Variants in OCA2 observed in about 807,000 individuals in gnomAD.
OCA2 encodes the protein OCA2 melanosomal transmembrane protein.
Under a neutral mutation model 100.2 loss-of-function variants are expected in OCA2, and 77 were observed. The ratio of observed to expected loss-of-function variants is 0.77; its 90% confidence interval spans 0.64 to 0.93. OCA2 has a LOEUF of 0.93. Ranked by LOEUF, OCA2 falls within the 40% of genes least tolerant of loss-of-function variation. OCA2 has a pLI of 0.00. For synonymous variants in OCA2, 432 were observed against 439.2 expected (o/e 0.98, Z 0.21); for missense variants, 1,062 against 1,089.1 (o/e 0.98, Z 0.35).
At chr15:27,858,704 G>C (rs910688812) in intron 21 of OCA2, among the ~76,000 whole-genome samples, 2 of 151,990 alleles carry the variant, frequency 1.3e-5, no homozygotes, top group African/African-American at 4.8e-5. Context: ...GGAAATATAT[G>C]AAACAAAAAT....
intron 14 of OCA2, among the ~76,000 whole-genome samples, chr15:27,978,979 G>A (rs560042791): frequency 4.8e-4 from 73 of 152,238 alleles, no homozygotes; most frequent in East Asian, 1.2e-3. Flanking sequence ...GAGCCACCGC[G>A]CCTGGCCTTG....
intron 18 of OCA2, among the ~76,000 whole-genome samples, chr15:27,936,153 G>A (rs1016457718): frequency 6.6e-6 from 1 of 152,214 alleles, no homozygotes; most frequent in African/African-American, 2.4e-5. Flanking sequence ...CAGCTACACT[G>A]TGGTTGTTCC....
chr15:27,755,292 T>C lies in OCA2; in HGVS notation c.*96A>G, dbSNP rs929615250. 1 of 882,366 alleles carries C rather than the reference T, an allele frequency of 1.1e-6. No individual in the cohort carries two copies. Among genetic ancestry groups the C allele is most frequent in the African/African-American group, 1.6e-5 (1 of 61,018 alleles). The allele number at this position is 882,366 out of a possible 1,614,324, so 54.7% of individuals were successfully genotyped here. A position where few individuals can be genotyped will look rare whatever the true frequency, so the allele number is the denominator to read the frequency against. ...TGTAGCATCTCCAGGGTAAGCACCT[T>C]TTCTTCTTCAAACAGTGGGGTCAGG... On this transcript the variant is annotated 3_prime_UTR_variant, in exon 24 of 24. Coordinates refer to ENST00000354638, the MANE Select transcript of OCA2 (RefSeq NM_000275.3).
At chr15:27,767,192 A>C (rs57192587) in intron 23 of OCA2, among the ~76,000 whole-genome samples, 6,432 of 152,216 alleles carry the variant, frequency 0.042, 452 homozygotes, top group African/African-American at 0.15. Flanking sequence ...ACAAATGGAA[A>C]CCCAAATGAG....
intron 23 of OCA2, among the ~76,000 whole-genome samples, chr15:27,801,426 C>A (rs1344549986): frequency 6.6e-6 from 1 of 151,880 alleles, no homozygotes; most frequent in Non-Finnish European, 1.5e-5. Flanking sequence ...GCGGCACACG[C>A]CTATAGTCCC....
chr15:28,004,242 C>G (rs1463551116), intron 9 of OCA2, among the ~76,000 whole-genome samples: 3 of 147,754 alleles, frequency 2.0e-5, no homozygotes, highest in African/African-American at 8.1e-5. Flanking sequence ...GGAGCATCCC[C>G]TGCGGCTCCG....
At position 28,077,997 on chromosome 15, in the gene OCA2, T is replaced by C. The variant is rs555138897; in HGVS notation, c.227+3651A>G. Among the ~76,000 whole-genome samples the C allele has an allele frequency of 1.5e-3, 225 of 152,336 alleles. 5 individuals are homozygous for C. Among genetic ancestry groups the C allele is most frequent in the Non-Finnish European group, 1.5e-4 (10 of 68,034 alleles). ...CGGGAGGCTGAGAAGGAGAATCGCC[T>C]GAACCTGGGAGGCAGAGGTTGCAGT... On this transcript the variant is annotated intron_variant, in intron 2 of 23. Coordinates refer to ENST00000354638, the MANE Select transcript of OCA2 (RefSeq NM_000275.3).
intron 23 of OCA2, among the ~76,000 whole-genome samples, chr15:27,770,779 A>ATTCTTCCTTCCTCCCTCCCTCTTT (rs1302416244): frequency 0.11 from 6,740 of 61,388 alleles, 292 homozygotes; most frequent in Middle Eastern, 0.26. Context: ...CCTCCCTTCC[A>ATTCTTCCTTCCTCCCTCCCTCTTT]TCCTTCCTTC....
downstream of OCA2, among the ~76,000 whole-genome samples, chr15:27,752,793 G>C (rs2030109988): frequency 6.5e-5 from 3 of 46,478 alleles, no homozygotes; most frequent in South Asian, 3.7e-3. Flanking sequence ...CCAGGTCCTG[G>C]TCCCCCACCC....
chr15:28,084,970 G>A (rs984230924), intron 1 of OCA2, among the ~76,000 whole-genome samples: 1 of 152,168 alleles, frequency 6.6e-6, no homozygotes, highest in African/African-American at 2.4e-5. Context: ...TCAGCTGGAG[G>A]TCAGTCCTGG....
intron 15 of OCA2, among the ~76,000 whole-genome samples, chr15:27,964,959 CAG>C (rs2140801687): frequency 6.6e-6 from 1 of 152,320 alleles, no homozygotes; most frequent in East Asian, 1.9e-4. Context: ...GAATTCATTA[CAG>C]AGATTATTTT....
intron 18 of OCA2, among the ~76,000 whole-genome samples, chr15:27,942,797 T>C (rs1311551201): frequency 6.6e-6 from 1 of 152,194 alleles, no homozygotes; most frequent in African/African-American, 2.4e-5. Flanking sequence ...CTAATTATTC[T>C]AATTGACTTA....
intron 21 of OCA2, among the ~76,000 whole-genome samples, chr15:27,868,317 C>T (rs574425513): frequency 2.6e-5 from 4 of 152,270 alleles, no homozygotes; most frequent in East Asian, 3.9e-4. Flanking sequence ...ACTTGCGTGT[C>T]CACTGATGGA....
intron 21 of OCA2, among the ~76,000 whole-genome samples, chr15:27,866,249 AC>A (rs1472839240): frequency 6.6e-6 from 1 of 152,192 alleles, no homozygotes; most frequent in Non-Finnish European, 1.5e-5. Context: ...GACAGCTGCC[AC>A]CAGTGGCAAA....
chr15:27,890,941 C>T (rs2151594359), intron 19 of OCA2, among the ~76,000 whole-genome samples: 1 of 151,982 alleles, frequency 6.6e-6, no homozygotes, highest in Admixed American at 6.5e-5. Context: ...AGGAAAATCA[C>T]TTGAACCTGG....
chr15:27,833,773 T>C (rs1358634240), intron 23 of OCA2, among the ~76,000 whole-genome samples: 1 of 152,130 alleles, frequency 6.6e-6, no homozygotes, highest in Non-Finnish European at 1.5e-5. Flanking sequence ...AACTTTATAG[T>C]CTAAGCGTAT....
rs991000597 is a variant in OCA2 at position 27,897,475 on chromosome 15, C to G, written c.2080-25553G>C. 2.0e-5 allele frequency among the ~76,000 whole-genome samples: 3 copies of G among 152,228 alleles called. No homozygotes were observed. The East Asian group carries it at 5.8e-4, about 29-fold the overall frequency. ...GCAGAGCTCGGGCTGTTGCTTCAGACAGTGGAAGCCCCAAGCCTTGGCAGC... is the reference window on the plus strand; with the variant it reads ...GCAGAGCTCGGGCTGTTGCTTCAGAGAGTGGAAGCCCCAAGCCTTGGCAGC... On this transcript the variant is annotated intron_variant, in intron 19 of 23. Coordinates refer to ENST00000354638, the MANE Select transcript of OCA2 (RefSeq NM_000275.3).
At chr15:28,010,159 G>A (rs2042201122) in intron 9 of OCA2, among the ~76,000 whole-genome samples, 1 of 151,052 alleles carries the variant, frequency 6.6e-6, no homozygotes, top group South Asian at 2.1e-4. Context: ...CCCAATTATG[G>A]TTTTTAAAAA....
At chr15:28,077,856 T>G (rs529724838) in intron 2 of OCA2, among the ~76,000 whole-genome samples, 2 of 152,200 alleles carry the variant, frequency 1.3e-5, no homozygotes, top group Admixed American at 1.3e-4. Flanking sequence ...CCGAGGCAGG[T>G]GGATCACGAG....
Sources: allele counts gnomAD v4.1 joint callset (sites outside exome capture counted in the v4.1 genomes callset), GRCh38; gene constraint gnomAD v4.1.1; transcripts MANE v1.5; gene names NCBI Gene and HGNC (gene_info 2026-07-23, HGNC 2026-07-21).